ME1: variants seen among roughly 807,000 people sequenced by gnomAD.
ME1 encodes the protein malic enzyme 1.
In ME1, 74 loss-of-function variants were observed where a neutral mutation model predicts 66.4. The ratio of observed to expected loss-of-function variants is 1.11; its 90% confidence interval spans 0.92 to 1.35. The LOEUF (loss-of-function observed/expected upper bound fraction) is 1.35, where lower values mean the gene tolerates loss of function less well. Among genes scored for constraint, ME1 ranks in the 40% most tolerant of loss-of-function variants. ME1 has a pLI of 0.00. For synonymous variants in ME1, 251 were observed against 235.6 expected (o/e 1.07, Z -0.60); for missense variants, 750 against 694.1 (o/e 1.08, Z -0.90).
intron 6 of ME1, among the ~76,000 whole-genome samples, chr6:83,276,132 C>A (rs184201638): frequency 8.5e-5 from 13 of 152,146 alleles, no homozygotes; most frequent in Admixed American, 5.9e-4. Flanking sequence ...AACGAAGCAC[C>A]GACTTTTTTG....
chr6:83,319,799 A>C lies in ME1; in HGVS notation c.601-4386T>G, dbSNP rs887179691. On this transcript the variant is annotated intron_variant, in intron 5 of 13. Coordinates refer to ENST00000369705, the MANE Select transcript of ME1 (RefSeq NM_002395.6). ...GTAGGTGGCCTGGCAACATGTGCCC[A>C]GTTAGATTTCAGAATTGCTATGTAC... Among the ~76,000 whole-genome samples, 4 of 152,224 alleles carry C rather than the reference A, an allele frequency of 2.6e-5. No homozygotes were observed. The East Asian group carries it at 7.7e-4, about 29-fold the overall frequency.
At chr6:83,280,166 TAAAG>T (rs901058431) in intron 6 of ME1, among the ~76,000 whole-genome samples, 5 of 152,124 alleles carry the variant, frequency 3.3e-5, no homozygotes, top group African/African-American at 9.7e-5. Context: ...TAGATCCACA[TAAAG>T]AAAGGAAGAG....
At chr6:83,345,051 C>T (rs1768662253) in intron 5 of ME1, among the ~76,000 whole-genome samples, 1 of 151,868 alleles carries the variant, frequency 6.6e-6, no homozygotes, top group Non-Finnish European at 1.5e-5. Context: ...AGGTTGTAGT[C>T]CAATTGCGCG....
At chr6:83,402,101 A>G (rs1769851238) in intron 2 of ME1, among the ~76,000 whole-genome samples, 2 of 152,344 alleles carry the variant, frequency 1.3e-5, no homozygotes, top group South Asian at 4.1e-4. Context: ...ATGCTCATGA[A>G]ACTCACTAGT....
rs527324675 is a variant in ME1, at chr6:83,224,082, C to T, written c.1276-149G>A. The T allele has an allele frequency of 8.9e-5, 63 of 709,908 alleles. 1 individual carries two copies. In the South Asian group the frequency reaches 1.2e-3, roughly 13 times the overall value. The allele number at this position is 709,908 out of a possible 1,614,324, so 44.0% of individuals were successfully genotyped here. ...TAACTTGCTAATAAGTCTGGACAAG[C>T]TTTTGTGATGTTGTGCAACCAGTTC... On this transcript the variant is annotated intron_variant, in intron 11 of 13. Transcript: ENST00000369705.
At position 83,212,081 on chromosome 6, in the gene ME1, G is replaced by A. The variant is rs1438138233; in HGVS notation, c.1562C>T (p.Ala521Val). The A allele has an allele frequency of 1.2e-6, 2 of 1,605,524 alleles. No homozygotes were observed. The highest frequency in any genetic ancestry group is 8.5e-7 in the Non-Finnish European group (1 of 1,174,674). The change falls in exon 14 of 14, where the codon GCA becomes GTA. Residue 521 changes from alanine (A) to valine (V), a missense_variant. Physicochemically the swap from Ala to Val is moderately conservative, Grantham distance 64. Coordinates refer to ENST00000369705, the MANE Select transcript of ME1 (RefSeq NM_002395.6). Reference sequence around the variant, plus strand: ...AACTGTGGCTGTCTTTTCTTGGTATGCATCTTTCACAATCTAGATATAAGA... The same window carrying A: ...AACTGTGGCTGTCTTTTCTTGGTATACATCTTTCACAATCTAGATATAAGA... ...LKIAEKIVKD[A>V]YQEKTATVYP...
intron 4 of ME1, among the ~76,000 whole-genome samples, 169 bp from the exon 5 acceptor site, chr6:83,346,503 G>A (rs1003928365): frequency 5.2e-4 from 79 of 152,332 alleles, no homozygotes; most frequent in African/African-American, 1.8e-3. Flanking sequence ...AGAATAGGGT[G>A]AAGAAATGAA....
intron 3 of ME1, among the ~76,000 whole-genome samples, chr6:83,362,910 GTCTTACC>G (rs1365844894): frequency 1.3e-5 from 2 of 152,180 alleles, no homozygotes; most frequent in Non-Finnish European, 2.9e-5. Flanking sequence ...GAATTCACTG[GTCTTACC>G]ATGTTTCCTA....
chr6:83,255,972 G>T (rs554188029), intron 6 of ME1, among the ~76,000 whole-genome samples: 55 of 152,150 alleles, frequency 3.6e-4, no homozygotes, highest in Non-Finnish European at 6.6e-4. Flanking sequence ...ATACCTCCCT[G>T]CTTTAATTCC....
intron 3 of ME1, among the ~76,000 whole-genome samples, chr6:83,380,286 A>C (rs1482891940): frequency 6.6e-6 from 1 of 152,106 alleles, no homozygotes; most frequent in East Asian, 1.9e-4. Context: ...GATGACAGAG[A>C]AGCAGGCAAA....
chr6:83,413,025 C>T (rs1770082056), intron 1 of ME1, among the ~76,000 whole-genome samples: 1 of 152,106 alleles, frequency 6.6e-6, no homozygotes, highest in Non-Finnish European at 1.5e-5. Context: ...ATTCTCTTTA[C>T]TTAAAAAGAA....
chr6:83,430,669 T>C (rs956210364), intron 1 of ME1, among the ~76,000 whole-genome samples: 4 of 152,250 alleles, frequency 2.6e-5, no homozygotes, highest in African/African-American at 9.6e-5. Context: ...GCACCAGCAC[T>C]GCCCTGCCAT....
chr6:83,379,466 C>T (rs1249995828), intron 3 of ME1, among the ~76,000 whole-genome samples: 3 of 152,010 alleles, frequency 2.0e-5, no homozygotes, highest in Non-Finnish European at 4.4e-5. Context: ...ATATGATATA[C>T]TAGTCGTGAG....
chr6:83,261,959 A>T (rs1453603381), intron 6 of ME1, among the ~76,000 whole-genome samples: 1 of 148,788 alleles, frequency 6.7e-6, no homozygotes, highest in Non-Finnish European at 1.5e-5. Flanking sequence ...GGTTGCAGTG[A>T]GCCGTGATTG....
chr6:83,403,659 A>G (rs1196113988), intron 2 of ME1, among the ~76,000 whole-genome samples: 1 of 151,038 alleles, frequency 6.6e-6, no homozygotes, highest in East Asian at 1.9e-4. Context: ...CCTTTCCTCC[A>G]CCCCACGACA....
intron 6 of ME1, among the ~76,000 whole-genome samples, chr6:83,262,245 A>G (rs140503777): frequency 6.6e-6 from 1 of 152,250 alleles, no homozygotes; most frequent in Non-Finnish European, 1.5e-5. Flanking sequence ...TGAAGGCAGC[A>G]TGGGTACAGG....
chr6:83,264,809 T>G (rs1481600778), intron 6 of ME1, among the ~76,000 whole-genome samples: 1 of 152,230 alleles, frequency 6.6e-6, no homozygotes, highest in Non-Finnish European at 1.5e-5. Flanking sequence ...TTTTTTGAGA[T>G]GAAATTTACT....
intron 6 of ME1, among the ~76,000 whole-genome samples, chr6:83,311,424 G>A (rs1767930517): frequency 6.6e-6 from 1 of 152,126 alleles, no homozygotes; most frequent in Non-Finnish European, 1.5e-5. Context: ...TTGCTAGGAT[G>A]GTTCCTAGAA....
chr6:83,239,772 T>C, intron 7 of ME1, 136 bp from the exon 8 acceptor site: 1 of 609,354 alleles, frequency 1.6e-6, no homozygotes, highest in Non-Finnish European at 2.9e-6. Context: ...TCTTATCCCA[T>C]GCTTGCATAC....
Sources: allele counts gnomAD v4.1 joint callset (sites outside exome capture counted in the v4.1 genomes callset), GRCh38; gene constraint gnomAD v4.1.1; transcripts MANE v1.5; gene names NCBI Gene and HGNC (gene_info 2026-07-23, HGNC 2026-07-21).